The following RHOH variants were observed in gnomAD, a reference collection of about 807,000 sequenced individuals.
RHOH encodes rho-related GTP-binding protein RhoH.
RHOH carries 6 observed loss-of-function variants against 13.8 expected under a neutral mutation model. The ratio of observed to expected loss-of-function variants is 0.44; its 90% CI spans 0.24 to 0.86. The LOEUF (loss-of-function observed/expected upper bound fraction) is 0.86. Ranked by LOEUF, RHOH falls within the 40% of genes least tolerant of loss-of-function variation. The pLI, the probability that RHOH is intolerant of heterozygous loss-of-function variation, is 0.24. For synonymous variants in RHOH, 117 were observed against 103.0 expected (o/e 1.14, Z -0.82); for missense variants, 147 against 244.5 (o/e 0.60, Z 2.66).
chr4:40,192,856 G>A (rs2109324815), upstream of RHOH: 1 of 152,426 alleles, frequency 6.6e-6, no homozygotes, highest in African/African-American at 2.4e-5. Flanking sequence ...TGACAGCCAG[G>A]ACAGATGAAT....
chr4:40,226,987 C>T (rs1230863748), intron 1 of RHOH, among the ~76,000 whole-genome samples: 3 of 151,948 alleles, frequency 2.0e-5, no homozygotes, highest in East Asian at 3.9e-4. Context: ...GGCGAAATCC[C>T]GTTTCTACTA....
intron 1 of RHOH, among the ~76,000 whole-genome samples, chr4:40,241,760 C>T (rs542957157): frequency 6.6e-6 from 1 of 152,190 alleles, no homozygotes; most frequent in African/African-American, 2.4e-5. Flanking sequence ...TGTGGTGGCA[C>T]ACACATGTAG....
At chr4:40,194,050 G>C (rs1157053856), upstream of RHOH, among the ~76,000 whole-genome samples, 1 of 152,166 alleles carries the variant, frequency 6.6e-6, no homozygotes, top group African/African-American at 2.4e-5. Context: ...GTCCTTGTCT[G>C]ACTCCTCTGC....
At chr4:40,198,837 C>G (rs578117688) in intron 1 of RHOH, among the ~76,000 whole-genome samples, 1 of 152,302 alleles carries the variant, frequency 6.6e-6, no homozygotes, top group South Asian at 2.1e-4. Context: ...GTGCTACTTT[C>G]TTTGCATGTC....
At chr4:40,231,550 C>T (rs1727949357) in intron 1 of RHOH, among the ~76,000 whole-genome samples, 1 of 152,200 alleles carries the variant, frequency 6.6e-6, no homozygotes, top group Non-Finnish European at 1.5e-5. Flanking sequence ...CTTCATGGAT[C>T]TCACAGATCT....
chr4:40,213,949 G>T (rs779024619), intron 1 of RHOH, among the ~76,000 whole-genome samples: 1 of 152,050 alleles, frequency 6.6e-6, no homozygotes, highest in Non-Finnish European at 1.5e-5. Flanking sequence ...TGGAGACAGG[G>T]TTTCACCATG....
Position 40,214,004 on chromosome 4 carries a change from G to A in RHOH, c.-331+16704G>A, listed in dbSNP as rs189727661. ...ACTCCTGTGCTCAAGTGATCTGCCC[G>A]CCTCAGCTTCCCAAAGTGTTGGGAT... On this transcript the variant is annotated intron_variant, in intron 1 of 2. Coordinates refer to ENST00000381799, the MANE Select transcript of RHOH (RefSeq NM_004310.5). Among the ~76,000 whole-genome samples the A allele has an allele frequency of 1.1e-3, 161 of 152,190 alleles. 1 individual carries two copies. Among genetic ancestry groups the A allele is most frequent in the Middle Eastern group, 0.01 (3 of 294 alleles).
chr4:40,206,779 A>G (rs1724692379), intron 1 of RHOH, among the ~76,000 whole-genome samples: 1 of 152,262 alleles, frequency 6.6e-6, no homozygotes, highest in Admixed American at 6.5e-5. Flanking sequence ...AATATCCGGC[A>G]ATATCAGAGA....
intron 1 of RHOH, among the ~76,000 whole-genome samples, chr4:40,233,767 A>AT (rs1247259477): frequency 6.6e-6 from 1 of 151,848 alleles, no homozygotes; most frequent in Admixed American, 6.6e-5. Flanking sequence ...CCTCCTTTGG[A>AT]TTTTTTTCAA....
At chr4:40,210,089 CGTGT>C (rs5857717) in intron 1 of RHOH, among the ~76,000 whole-genome samples, 3,114 of 145,524 alleles carry the variant, frequency 0.021, 36 homozygotes, top group African/African-American at 0.032. Context: ...ACATTGTGTG[CGTGT>C]GTGTGTGTGT....
rs558461462 is a variant in RHOH at position 40,212,556 on chromosome 4, T to A, written c.-331+15256T>A. The A allele has an allele frequency of 1.1e-4, 16 of 152,244 alleles. No individual in the cohort carries two copies. The East Asian group carries it at 1.7e-3, about 17-fold the overall frequency. 9.4% of individuals were successfully genotyped at this position (152,244 alleles called of 1,614,324 possible). A position where few individuals can be genotyped will look rare whatever the true frequency, so the allele number is the denominator to read the frequency against. Reference sequence around the variant, plus strand: ...TCTCTTTTGTATATAGGTGATTTTTTAAAAAACTTCCTTCTCCTCCAATCA... The same window carrying A: ...TCTCTTTTGTATATAGGTGATTTTTAAAAAAACTTCCTTCTCCTCCAATCA... On this transcript the variant is annotated intron_variant, in intron 1 of 2. Transcript: ENST00000381799.
intron 1 of RHOH, among the ~76,000 whole-genome samples, chr4:40,209,870 T>C (rs1725051445): frequency 1.3e-5 from 2 of 152,196 alleles, no homozygotes; most frequent in Admixed American, 6.5e-5. Context: ...CTGTGTAAAG[T>C]AGGAAAATAA....
chr4:40,207,606 C>T (rs974381473), intron 1 of RHOH, among the ~76,000 whole-genome samples: 3 of 152,332 alleles, frequency 2.0e-5, no homozygotes, highest in African/African-American at 7.2e-5. Context: ...CCATCACACA[C>T]ATATATGGAA....
chr4:40,199,289 C>A (rs1396318952), intron 1 of RHOH, among the ~76,000 whole-genome samples: 2 of 152,116 alleles, frequency 1.3e-5, no homozygotes, highest in Non-Finnish European at 2.9e-5. Flanking sequence ...TTGGCTATTG[C>A]CACAAATGAA....
At chr4:40,221,803 G>C (rs1364650937) in intron 1 of RHOH, among the ~76,000 whole-genome samples, 1 of 152,174 alleles carries the variant, frequency 6.6e-6, no homozygotes, top group Non-Finnish European at 1.5e-5. Context: ...AAATCATTAA[G>C]TTTAATGAGG....
chr4:40,234,691 T>C (rs1728336183), intron 1 of RHOH, among the ~76,000 whole-genome samples: 1 of 151,602 alleles, frequency 6.6e-6, no homozygotes, highest in Non-Finnish European at 1.5e-5. Context: ...ACATAAATAC[T>C]GCTTAACATT....
At position 40,243,530 on chromosome 4, in the gene RHOH, T is replaced by C. The variant is rs76788449; in HGVS notation, c.144T>C (p.Asp48=). Residue 48 remains aspartate (D), a synonymous_variant, in exon 3 of 3, where the codon GAT becomes GAC. Transcript: ENST00000381799. This position sits in a 1 kb window ranked among gnomAD's most constrained non-coding sequence, Gnocchi z 6.2. ...YENTGVDVFM[D]GIQISLGLWD... ...ACACAGGGGTGGACGTCTTCATGGA[T>C]GGCATCCAGATCAGCCTGGGCCTCT... 3,415 of 1,613,972 alleles carry C rather than the reference T, an allele frequency of 2.1e-3. 4 individuals carry two copies. Among genetic ancestry groups the C allele is most frequent in the Non-Finnish European group, 2.7e-3 (3,195 of 1,180,006 alleles).
rs932328053 is a variant in RHOH at position 40,203,543 on chromosome 4, T to TGA, written c.-331+6255_-331+6256dup. Among the ~76,000 whole-genome samples the TGA allele has an allele frequency of 1.1e-4, 16 of 148,250 alleles. 1 individual carries two copies. Among genetic ancestry groups the TGA allele is most frequent in the East Asian group, 9.7e-4 (5 of 5,158 alleles). On this transcript the variant is annotated intron_variant, in intron 1 of 2. Transcript: ENST00000381799. ...GTGAGTGTGTGTGTGTGTGTGTGTG[T>TGA]GAGAGAGAGAGAGTGTGTGTGTGTG...
At chr4:40,210,790 A>G (rs1725178204) in intron 1 of RHOH, among the ~76,000 whole-genome samples, 1 of 152,160 alleles carries the variant, frequency 6.6e-6, no homozygotes, top group Admixed American at 6.5e-5. Flanking sequence ...CCCACTCTAT[A>G]TGTATAAAGC....
Sources: gnomAD v4.1 joint callset for allele counts (sites outside exome capture counted in the v4.1 genomes callset) on GRCh38, gnomAD v4.1.1 for gene constraint, Gnocchi (gnomAD v3.1) non-coding constraint, MANE v1.5 for transcripts, NCBI Gene and HGNC (gene_info 2026-07-23, HGNC 2026-07-21) for gene names.